SMIM36: variants seen among roughly 807,000 people sequenced by gnomAD.
SMIM36 encodes small integral membrane protein 36.
At chr17:55,498,530 C>G (rs1189991531) in intron 1 of SMIM36, among the ~76,000 whole-genome samples, 1 of 151,990 alleles carries the variant, frequency 6.6e-6, no homozygotes, top group African/African-American at 2.4e-5. Context: ...TCACAATATG[C>G]CAGATACTTT....
intron 4 of SMIM36, among the ~76,000 whole-genome samples, chr17:55,450,645 C>A (rs577231174): frequency 6.6e-6 from 1 of 152,248 alleles, no homozygotes; most frequent in South Asian, 2.1e-4. Context: ...GGGTGCAATA[C>A]CCAGATAGTA....
At chr17:55,463,169 G>T (rs1398841155) in intron 4 of SMIM36, among the ~76,000 whole-genome samples, 1 of 152,000 alleles carries the variant, frequency 6.6e-6, no homozygotes, top group African/African-American at 2.4e-5. Context: ...ATGTAGTTCT[G>T]AACTCAATAT....
chr17:55,476,188 G>C (rs1226689441), intron 3 of SMIM36, among the ~76,000 whole-genome samples: 1 of 152,154 alleles, frequency 6.6e-6, no homozygotes, highest in African/African-American at 2.4e-5. Context: ...AAAATGGCCA[G>C]TTCCTGCCTT....
chr17:55,527,222 A>T, the SMIM36 span: 1 of 152,184 alleles, frequency 6.6e-6, no homozygotes, highest in Non-Finnish European at 1.5e-5. Context: ...AGTTATATGG[A>T]CCAATTATCT....
At chr17:55,526,867 G>T in the SMIM36 span, 1 of 152,072 alleles carries the variant, frequency 6.6e-6, no homozygotes, top group South Asian at 2.1e-4. Flanking sequence ...TAATGCATTT[G>T]CTGGAATTAT....
intron 4 of SMIM36, among the ~76,000 whole-genome samples, chr17:55,453,024 A>G (rs963084337): frequency 1.3e-5 from 2 of 152,216 alleles, no homozygotes; most frequent in African/African-American, 2.4e-5. Context: ...ATGTGAGACC[A>G]CGGGCTGGGT....
chr17:55,476,503 A>G (rs1041778362), intron 3 of SMIM36, among the ~76,000 whole-genome samples: 15 of 152,070 alleles, frequency 9.9e-5, no homozygotes, highest in African/African-American at 2.9e-4. Flanking sequence ...TTACACGGAC[A>G]CGCATAATAG....
At chr17:55,522,939 A>G in the SMIM36 span, among the ~76,000 whole-genome samples, 5 of 152,200 alleles carry the variant, frequency 3.3e-5, no homozygotes, top group Non-Finnish European at 7.3e-5. Flanking sequence ...TGGGGAATGA[A>G]TAAGCCGTTC....
chr17:55,466,356 T>C (rs1185181055), intron 4 of SMIM36, among the ~76,000 whole-genome samples: 4 of 151,322 alleles, frequency 2.6e-5, no homozygotes, highest in African/African-American at 9.7e-5. Context: ...GCTTCAAGTT[T>C]GGGAGCGGCT....
At chr17:55,463,098 G>C (rs1486824517) in intron 4 of SMIM36, among the ~76,000 whole-genome samples, 3 of 152,032 alleles carry the variant, frequency 2.0e-5, no homozygotes, top group Non-Finnish European at 4.4e-5. Flanking sequence ...ATACATAACT[G>C]CCCCCCACCC....
upstream of SMIM36, among the ~76,000 whole-genome samples, chr17:55,513,589 C>G (rs1302028792): frequency 6.6e-6 from 1 of 152,172 alleles, no homozygotes; most frequent in Non-Finnish European, 1.5e-5. Flanking sequence ...CAGATGCCTA[C>G]TTTCTTTTGC....
chr17:55,517,305 C>T, the SMIM36 span, among the ~76,000 whole-genome samples: 1 of 152,182 alleles, frequency 6.6e-6, no homozygotes, highest in African/African-American at 2.4e-5. Flanking sequence ...AATACCAGCA[C>T]TTTGGGAGGC....
chr17:55,457,920 T>A (rs1425863192), intron 4 of SMIM36, among the ~76,000 whole-genome samples: 1 of 152,224 alleles, frequency 6.6e-6, no homozygotes, highest in Non-Finnish European at 1.5e-5. Flanking sequence ...ATGTCATTAA[T>A]CCAAAGGATG....
At chr17:55,464,980 T>C (rs1239868970) in intron 4 of SMIM36, among the ~76,000 whole-genome samples, 1 of 152,142 alleles carries the variant, frequency 6.6e-6, no homozygotes, top group African/African-American at 2.4e-5. Flanking sequence ...CACCTGAAAA[T>C]AAATTGAAGC....
chr17:55,530,665 C>T, the SMIM36 span, among the ~76,000 whole-genome samples: 2 of 152,044 alleles, frequency 1.3e-5, no homozygotes, highest in African/African-American at 4.8e-5. Flanking sequence ...CGCCTGTAAT[C>T]CCAGCTACTC....
intron 1 of SMIM36, among the ~76,000 whole-genome samples, chr17:55,495,502 A>T (rs974573731): frequency 1.3e-5 from 2 of 152,172 alleles, no homozygotes; most frequent in African/African-American, 4.8e-5. Flanking sequence ...TATAAAACCA[A>T]TAATAGACTG....
chr17:55,530,069 C>T, the SMIM36 span, among the ~76,000 whole-genome samples: 32 of 152,148 alleles, frequency 2.1e-4, no homozygotes, highest in Non-Finnish European at 2.9e-4. Flanking sequence ...TAAGCCCTAG[C>T]GAGGAAAGAG....
chr17:55,503,054 C>T (rs1351430659), intron 1 of SMIM36, among the ~76,000 whole-genome samples: 2 of 141,964 alleles, frequency 1.4e-5, no homozygotes, highest in African/African-American at 5.4e-5. Context: ...AGCAAAGCCT[C>T]CAAGAAATAT....
chr17:55,460,849 C>G (rs750739458), intron 4 of SMIM36, among the ~76,000 whole-genome samples: 1 of 151,934 alleles, frequency 6.6e-6, no homozygotes, highest in African/African-American at 2.4e-5. Flanking sequence ...CAGAGTGAGA[C>G]CCTGTCTCAA....
Sources: gnomAD v4.1 joint callset for allele counts (sites outside exome capture counted in the v4.1 genomes callset) on GRCh38, gnomAD v4.1.1 for gene constraint, MANE v1.5 for transcripts, NCBI Gene and HGNC (gene_info 2026-07-23, HGNC 2026-07-21) for gene names.